DROSHA: variants seen among roughly 807,000 people sequenced by gnomAD.
DROSHA encodes the protein ribonuclease 3.
A neutral mutation model predicts 181.9 loss-of-function variants in DROSHA; 56 were observed. The observed-to-expected ratio is 0.31, with a 90% confidence interval of 0.25 to 0.38. The LOEUF is 0.38. Ranked by LOEUF, DROSHA falls within the 10% of genes least tolerant of loss-of-function variation. DROSHA has a pLI of 1.00. For missense variants in DROSHA, 1,218 were observed against 1,743.5 expected (o/e 0.70, Z 5.37); for synonymous variants, 524 against 591.2 (o/e 0.89, Z 1.65).
chr5:31,449,728 A>G (rs1746735647), intron 21 of DROSHA, among the ~76,000 whole-genome samples: 2 of 152,162 alleles, frequency 1.3e-5, no homozygotes, highest in African/African-American at 4.8e-5. Context: ...CCCTGTCTCA[A>G]AAAACAAAAA....
chr5:31,422,786 C>A lies in DROSHA; in HGVS notation c.3419+1G>T. The A allele has an allele frequency of 6.2e-7, 1 of 1,613,600 alleles. No homozygotes were observed. The highest frequency in any genetic ancestry group is 8.5e-7 in the Non-Finnish European group (1 of 1,179,668). On this transcript the variant is annotated splice_donor_variant, in intron 29 of 35. Coordinates refer to ENST00000344624, the MANE Select transcript of DROSHA (RefSeq NM_001382508.1). LOFTEE classifies it high-confidence loss of function. The stretch of plus-strand genomic sequence containing the variant: ...GGACTACATGAGAACTTTTAACTCA[C>A]AGGGTCAGATGGTTAAATCCCACAG...
At chr5:31,429,040 AAAAT>A (rs1160942165) in intron 27 of DROSHA, among the ~76,000 whole-genome samples, 4 of 152,220 alleles carry the variant, frequency 2.6e-5, no homozygotes, top group African/African-American at 7.2e-5. Context: ...CTGACATTTA[AAAAT>A]AAATAAACAT....
At chr5:31,469,894 G>A (rs781552090) in intron 17 of DROSHA, among the ~76,000 whole-genome samples, 29 of 152,186 alleles carry the variant, frequency 1.9e-4, no homozygotes, top group Non-Finnish European at 3.7e-4. Context: ...AGTATTTAAA[G>A]TGACCATAAT....
intron 25 of DROSHA, 108 bp from the exon 26 acceptor site, chr5:31,431,786 C>T (rs867092264): frequency 5.5e-6 from 5 of 906,286 alleles, no homozygotes; most frequent in Non-Finnish European, 8.7e-6. Context: ...ATGGGGGCAG[C>T]GTAATGGTTA....
intron 25 of DROSHA, among the ~76,000 whole-genome samples, chr5:31,434,199 T>C (rs1054038459): frequency 2.6e-5 from 4 of 152,244 alleles, no homozygotes; most frequent in African/African-American, 9.6e-5. Context: ...TAATAGCTTC[T>C]GTTTTCATGC....
At position 31,472,207 on chromosome 5, in the gene DROSHA, C is replaced by T; in HGVS notation, c.2097G>A (p.Met699Ile). The T allele has an allele frequency of 1.2e-6, 2 of 1,610,336 alleles. No homozygotes were observed. The highest frequency in any genetic ancestry group is 1.7e-6 in the Non-Finnish European group (2 of 1,178,066). ...TTAACAAGTACAGGAGAATCTGGTG[C>T]ATGGACAGCACTTCCTTTCCTCCAT... ...LPDGGKEVLSMHQILLYLLRC... is the reference protein window; with the variant it reads ...LPDGGKEVLSIHQILLYLLRC... The change falls in exon 17 of 36, where the codon ATG becomes ATA. Residue 699 changes from methionine to isoleucine, a missense_variant. By Grantham distance (10) the Met-to-Ile change is conservative. This residue lies in a region of DROSHA where 460 missense variants were observed against 774.2 expected (regional missense o/e 0.59). Coordinates refer to ENST00000344624, the MANE Select transcript of DROSHA (RefSeq NM_001382508.1).
intron 23 of DROSHA, 50 bp from the exon 24 acceptor site, chr5:31,437,348 C>CGGGGGGGGGGGGGGGG (rs1744980906): frequency 7.8e-7 from 1 of 1,288,094 alleles, no homozygotes; most frequent in Non-Finnish European, 1.0e-6. Flanking sequence ...TAACACTCCC[C>CGGGGGGGGGGGGGGGG]CCCACCCACC....
intron 20 of DROSHA, among the ~76,000 whole-genome samples, chr5:31,456,024 T>A (rs766553955): frequency 6.6e-6 from 1 of 152,034 alleles, no homozygotes; most frequent in Non-Finnish European, 1.5e-5. Context: ...GAAAATGGGA[T>A]CCACAGATTT....
chr5:31,481,914 C>T (rs1393095494), intron 16 of DROSHA, among the ~76,000 whole-genome samples: 3 of 152,156 alleles, frequency 2.0e-5, no homozygotes, highest in Non-Finnish European at 2.9e-5. Context: ...CCTCTGGCAT[C>T]GGCAGCTACA....
chr5:31,476,812 G>T (rs1283863970), intron 16 of DROSHA, among the ~76,000 whole-genome samples: 1 of 152,120 alleles, frequency 6.6e-6, no homozygotes, highest in African/African-American at 2.4e-5. Flanking sequence ...CTGGCAAAAA[G>T]ACACTCCATA....
chr5:31,485,650 A>AAAAAC (rs1554039002), intron 14 of DROSHA, among the ~76,000 whole-genome samples: 3 of 149,438 alleles, frequency 2.0e-5, no homozygotes, highest in African/African-American at 7.4e-5. Flanking sequence ...AAAAAAAAAA[A>AAAAAC]CCCTTCTAAA....
chr5:31,446,955 G>A (rs370621456), intron 23 of DROSHA, among the ~76,000 whole-genome samples: 11 of 152,122 alleles, frequency 7.2e-5, no homozygotes, highest in African/African-American at 2.2e-4. Flanking sequence ...CGTGAGAATC[G>A]CTTGAACCCA....
intron 6 of DROSHA, among the ~76,000 whole-genome samples, chr5:31,519,124 T>TTTA (rs1739589717): frequency 6.6e-6 from 1 of 152,204 alleles, no homozygotes; most frequent in Non-Finnish European, 1.5e-5. Flanking sequence ...TAATTTTTAT[T>TTTA]TTCTGCTGCG....
rs1302742214 is a variant in DROSHA at position 31,515,408 on chromosome 5, T to A, written c.1058+46A>T. The A allele has an allele frequency of 4.6e-6, 5 of 1,096,614 alleles. No individual in the cohort carries two copies. The Middle Eastern group carries it at 8.0e-4, about 175-fold the overall frequency. 67.9% of individuals were successfully genotyped at this position (1,096,614 alleles called of 1,614,324 possible). A position where few individuals can be genotyped will look rare whatever the true frequency, so the allele number is the denominator to read the frequency against. Reference sequence around the variant, plus strand: ...GGCATCAGAATCACCTGAAGTTTACTTGTTTAAAAATACAAATTCCCAGGC... The same window carrying A: ...GGCATCAGAATCACCTGAAGTTTACATGTTTAAAAATACAAATTCCCAGGC... On this transcript the variant is annotated intron_variant, in intron 7 of 35. Coordinates refer to ENST00000344624, the MANE Select transcript of DROSHA (RefSeq NM_001382508.1).
At chr5:31,492,058 T>G (rs1243142229) in intron 13 of DROSHA, among the ~76,000 whole-genome samples, 2 of 152,244 alleles carry the variant, frequency 1.3e-5, no homozygotes, top group East Asian at 3.8e-4. Context: ...CCTCCCAAAG[T>G]GCTGGGATTA....
chr5:31,453,765 G>C (rs1284928504), intron 20 of DROSHA, among the ~76,000 whole-genome samples: 1 of 151,984 alleles, frequency 6.6e-6, no homozygotes, highest in East Asian at 1.9e-4. Context: ...ACCTTGGAAG[G>C]GTATAGATGA....
chr5:31,437,297 T>C lies in DROSHA; in HGVS notation c.2884A>G (p.Ile962Val). The C allele has an allele frequency of 1.3e-6, 2 of 1,572,484 alleles. No homozygotes were observed. Among genetic ancestry groups the C allele is most frequent in the Non-Finnish European group, 1.7e-6 (2 of 1,157,846 alleles). Reference protein sequence around the residue: ...LGQDDPTPSRINHNERLEFLG... With the variant: ...LGQDDPTPSRVNHNERLEFLG... ...AATTCCAACCGTTCATTGTGGTTAATCCTACAATAGGAATTAAAAAGGTTA... is the reference window on the plus strand; with the variant it reads ...AATTCCAACCGTTCATTGTGGTTAACCCTACAATAGGAATTAAAAAGGTTA... The change falls in exon 24 of 36, where the codon ATT (isoleucine) becomes GTT (valine). Residue 962 changes from isoleucine to valine, a missense_variant and splice_region_variant. Transcript: ENST00000344624.
chr5:31,501,676 C>T (rs1289116268), intron 11 of DROSHA, among the ~76,000 whole-genome samples: 1 of 152,146 alleles, frequency 6.6e-6, no homozygotes, highest in Non-Finnish European at 1.5e-5. Flanking sequence ...GCTGCCGGGC[C>T]AGGTGTTGTA....
chr5:31,430,901 TA>T (rs896919291), intron 26 of DROSHA, among the ~76,000 whole-genome samples: 8 of 151,670 alleles, frequency 5.3e-5, no homozygotes, highest in Admixed American at 3.3e-4. Flanking sequence ...TCATTTACTT[TA>T]AAAAAAAATC....
Sources: allele counts gnomAD v4.1 joint callset (sites outside exome capture counted in the v4.1 genomes callset), GRCh38; gene constraint gnomAD v4.1.1; regional missense constraint gnomAD v4.1.1; transcripts MANE v1.5; gene names NCBI Gene and HGNC (gene_info 2026-07-23, HGNC 2026-07-21).